The following ZBTB16 variants were observed in gnomAD, a reference collection of about 807,000 sequenced individuals.
The protein encoded by ZBTB16 is zinc finger and BTB domain containing 16.
In ZBTB16, 8 loss-of-function variants were observed where a neutral mutation model predicts 56.8. The observed-to-expected ratio is 0.14, with a 90% CI of 0.08 to 0.25. The LOEUF is 0.25. Ranked by LOEUF, ZBTB16 falls within the 10% of genes least tolerant of loss-of-function variation. The pLI, the probability that ZBTB16 is intolerant of heterozygous loss-of-function variation, is 1.00. For missense variants in ZBTB16, 625 were observed against 903.0 expected (o/e 0.69, Z 3.95); for synonymous variants, 363 against 368.5 (o/e 0.98, Z 0.17).
At chr11:114,113,823 GTCATCT>G (rs1188428626) in intron 2 of ZBTB16, among the ~76,000 whole-genome samples, 3 of 152,192 alleles carry the variant, frequency 2.0e-5, no homozygotes, top group Non-Finnish European at 4.4e-5. Context: ...ATATAAGTTA[GTCATCT>G]AATCATCCAG....
Position 114,242,129 on chromosome 11 carries a change from C to G in ZBTB16, c.1454-38C>G, listed in dbSNP as rs771399028. 40 of 1,612,390 alleles carry G rather than the reference C, an allele frequency of 2.5e-5. No individual in the cohort carries two copies. The East Asian group carries it at 3.6e-4, about 14-fold the overall frequency. On this transcript the variant is annotated intron_variant, in intron 4 of 6. Transcript: ENST00000335953. ...TGGGTAAAGAATGCACCTTGTATTC[C>G]CACCTTTCTGAGGCACCCCCTCTCC... is the stretch of plus-strand genomic sequence containing the variant.
At chr11:114,137,939 G>T (rs898000120) in intron 2 of ZBTB16, among the ~76,000 whole-genome samples, 4 of 152,218 alleles carry the variant, frequency 2.6e-5, no homozygotes, top group African/African-American at 9.6e-5. Context: ...GTGCATCGGT[G>T]AGAGGACCGC....
rs965795140 is a variant in ZBTB16 at position 114,252,146 on chromosome 11, C to T, written c.*1591C>T. On this transcript the variant is annotated 3_prime_UTR_variant, in exon 7 of 7. Coordinates refer to ENST00000335953, the MANE Select transcript of ZBTB16 (RefSeq NM_006006.6). ...GGGAGGGGATGTTGCTTTGGGGTCT[C>T]ATGGTCCCCAGAGGGCACTAGGGAG... Among the ~76,000 whole-genome samples the T allele has an allele frequency of 6.6e-6, 1 of 151,834 alleles. No individual in the cohort carries two copies. Among genetic ancestry groups the T allele is most frequent in the Non-Finnish European group, 1.5e-5 (1 of 67,956 alleles).
At chr11:114,113,866 C>T (rs1471414708) in intron 2 of ZBTB16, among the ~76,000 whole-genome samples, 1 of 152,196 alleles carries the variant, frequency 6.6e-6, no homozygotes, top group East Asian at 1.9e-4. Context: ...ACCTGGAATT[C>T]ATTCTTTTAT....
chr11:114,185,902 A>G (rs892332309), intron 3 of ZBTB16, among the ~76,000 whole-genome samples: 21 of 152,232 alleles, frequency 1.4e-4, no homozygotes, highest in Non-Finnish European at 2.9e-4. Context: ...AGTTTATTAA[A>G]TTGAGTTGCA....
chr11:114,131,328 A>G (rs1205822495), intron 2 of ZBTB16, among the ~76,000 whole-genome samples: 1 of 152,240 alleles, frequency 6.6e-6, no homozygotes, highest in Non-Finnish European at 1.5e-5. Flanking sequence ...CAAAATGCCA[A>G]TAGTGCTGAG....
At chr11:114,171,855 C>A (rs564330058) in intron 3 of ZBTB16, among the ~76,000 whole-genome samples, 1 of 152,364 alleles carries the variant, frequency 6.6e-6, no homozygotes, top group African/African-American at 2.4e-5. Context: ...TGAATCGAAG[C>A]AGAAATGTGG....
chr11:114,229,762 C>T (rs1299338310), intron 4 of ZBTB16, among the ~76,000 whole-genome samples: 1 of 152,182 alleles, frequency 6.6e-6, no homozygotes, highest in Non-Finnish European at 1.5e-5. Flanking sequence ...AAAGAGAGTT[C>T]TGGCAACAGA....
intron 4 of ZBTB16, among the ~76,000 whole-genome samples, chr11:114,206,490 C>G (rs1943876448): frequency 2.0e-5 from 3 of 152,182 alleles, no homozygotes; most frequent in Admixed American, 2.0e-4. Context: ...AGATTCTGCC[C>G]CCAGGCAGCC....
chr11:114,111,157 G>A (rs531983114), intron 2 of ZBTB16, among the ~76,000 whole-genome samples: 3 of 36,746 alleles, frequency 8.2e-5, no homozygotes, highest in East Asian at 6.5e-4. Context: ...TCTGTGCTGC[G>A]TGTGTGTGTG....
intron 2 of ZBTB16, among the ~76,000 whole-genome samples, chr11:114,090,308 G>A (rs550780355): frequency 6.6e-6 from 1 of 152,320 alleles, no homozygotes; most frequent in African/African-American, 2.4e-5. Context: ...TGATGGTGTT[G>A]GGGAATGTCC....
At chr11:114,093,689 A>G (rs1940277571) in intron 2 of ZBTB16, among the ~76,000 whole-genome samples, 1 of 152,236 alleles carries the variant, frequency 6.6e-6, no homozygotes, top group South Asian at 2.1e-4. Flanking sequence ...AAGATGGGAA[A>G]GACATAGTAC....
chr11:114,070,388 G>A (rs1470424734), intron 2 of ZBTB16, among the ~76,000 whole-genome samples: 4 of 152,090 alleles, frequency 2.6e-5, no homozygotes, highest in Admixed American at 6.6e-5. Context: ...GATTACAGGC[G>A]TGAGCCACCG....
chr11:114,139,270 C>T (rs1255982978), intron 2 of ZBTB16, among the ~76,000 whole-genome samples: 1 of 152,190 alleles, frequency 6.6e-6, no homozygotes, highest in African/African-American at 2.4e-5. Flanking sequence ...ATTGCTCACA[C>T]TGATCCCCAG....
At chr11:114,147,034 T>G (rs1942125872) in intron 2 of ZBTB16, among the ~76,000 whole-genome samples, 1 of 152,202 alleles carries the variant, frequency 6.6e-6, no homozygotes, top group African/African-American at 2.4e-5. Flanking sequence ...CCGTTCAGTC[T>G]CTTATCTTGT....
intron 2 of ZBTB16, among the ~76,000 whole-genome samples, chr11:114,085,233 A>G (rs1461507382): frequency 1.3e-5 from 2 of 152,198 alleles, no homozygotes; most frequent in African/African-American, 2.4e-5. Context: ...ATTTATCTTT[A>G]CTATATGCTC....
At chr11:114,139,799 T>C (rs761186756) in intron 2 of ZBTB16, among the ~76,000 whole-genome samples, 1 of 152,172 alleles carries the variant, frequency 6.6e-6, no homozygotes, top group Non-Finnish European at 1.5e-5. Context: ...GTCACCCTGA[T>C]ATTCACGCAA....
At chr11:114,076,427 G>A (rs1009686585) in intron 2 of ZBTB16, among the ~76,000 whole-genome samples, 8 of 152,196 alleles carry the variant, frequency 5.3e-5, no homozygotes, top group Admixed American at 2.6e-4. Flanking sequence ...TTCACTTTAC[G>A]TGGAAAAACT....
chr11:114,182,345 C>T (rs780392267), intron 3 of ZBTB16, among the ~76,000 whole-genome samples: 1 of 152,140 alleles, frequency 6.6e-6, no homozygotes, highest in African/African-American at 2.4e-5. Context: ...CCATTGTGTC[C>T]GGCCCTCTTC....
Sources: allele counts gnomAD v4.1 joint callset (sites outside exome capture counted in the v4.1 genomes callset), GRCh38; gene constraint gnomAD v4.1.1; transcripts MANE v1.5; gene names NCBI Gene and HGNC (gene_info 2026-07-23, HGNC 2026-07-21).